The following DMD variants were observed in gnomAD, a reference collection of about 807,000 sequenced individuals.
DMD encodes mutant dystrophin.
A neutral mutation model predicts 330.1 loss-of-function variants in DMD; 63 were observed. That is an observed-to-expected ratio of 0.19 (90% CI 0.16 to 0.24). DMD has a LOEUF of 0.24. Ranked by LOEUF, DMD falls within the 10% of genes least tolerant of loss-of-function variation. DMD has a pLI of 1.00. For synonymous variants in DMD, 1,223 were observed against 959.8 expected (o/e 1.27, Z -5.07); for missense variants, 3,344 against 2,684.1 (o/e 1.25, Z -5.43).
intron 17 of DMD, among the ~76,000 whole-genome samples, chrX:32,535,241 C>G (rs181731060): frequency 9.0e-6 from 1 of 111,420 alleles, no homozygotes; most frequent in Admixed American, 9.5e-5. Flanking sequence ...CGGCCAGAAC[C>G]CATCTGTGCA....
intron 51 of DMD, among the ~76,000 whole-genome samples, chrX:31,735,884 C>T (rs1603456592): frequency 8.9e-6 from 1 of 112,001 alleles, no homozygotes; most frequent in East Asian, 2.8e-4. Context: ...TAGACAAAGA[C>T]CTCAACCAGG....
At chrX:32,967,776 T>C (rs2092222337) in intron 2 of DMD, among the ~76,000 whole-genome samples, 1 of 111,922 alleles carries the variant, frequency 8.9e-6, no homozygotes, top group African/African-American at 3.2e-5. Context: ...AGAAACAAGA[T>C]TGAAAATGTA....
rs138508705 is a variant in DMD, at chrX:32,894,296, C to T, written c.94-44476G>A. Among the ~76,000 whole-genome samples, 427 of 111,550 alleles carry T rather than the reference C, an allele frequency of 3.8e-3. 3 individuals are homozygous for T. Among genetic ancestry groups the T allele is most frequent in the African/African-American group, 0.013 (413 of 30,691 alleles). ...AAGAGACTGAGGAAGAAACCCATAG[C>T]CAGCAAACGAGGCATTGGGTTTTAT... On this transcript the variant is annotated intron_variant, in intron 2 of 78. Coordinates refer to ENST00000357033, the MANE Select transcript of DMD (RefSeq NM_004006.3).
chrX:31,830,022 T>C (rs889606147), intron 49 of DMD, among the ~76,000 whole-genome samples: 21 of 112,487 alleles, frequency 1.9e-4, no homozygotes, highest in African/African-American at 6.8e-4. Context: ...CTTTATACTA[T>C]CTCTTATGTC....
intron 1 of DMD, among the ~76,000 whole-genome samples, chrX:33,236,054 C>T (rs59772923): frequency 0.24 from 23,360 of 99,256 alleles, 5,166 homozygotes; most frequent in African/African-American, 0.68. Context: ...TAGCTGGGAC[C>T]ACAGGCACCT....
intron 2 of DMD, among the ~76,000 whole-genome samples, chrX:32,896,380 C>A (rs2149278389): frequency 8.9e-6 from 1 of 112,032 alleles, no homozygotes; most frequent in Non-Finnish European, 1.9e-5. Flanking sequence ...CCCCTGGTGA[C>A]TTCAAGGCTC....
chrX:31,785,901 C>T (rs780219430), intron 50 of DMD, among the ~76,000 whole-genome samples: 23 of 111,963 alleles, frequency 2.1e-4, no homozygotes, highest in African/African-American at 6.8e-4. Context: ...AACAGTGCTG[C>T]AACAAACGTA....
At chrX:32,298,354 C>A (rs73619050) in intron 42 of DMD, among the ~76,000 whole-genome samples, 6 of 110,050 alleles carry the variant, frequency 5.5e-5, no homozygotes, top group African/African-American at 2.0e-4. Flanking sequence ...TAGAGAAAGG[C>A]CTTAAGGATA....
chrX:33,258,190 G>C (rs2052890093), intron 1 of DMD, among the ~76,000 whole-genome samples: 1 of 111,254 alleles, frequency 9.0e-6, no homozygotes, highest in South Asian at 3.7e-4. Context: ...ATAGCATTAT[G>C]GCTCATTACA....
At chrX:32,530,986 T>G (rs2047424591) in intron 17 of DMD, among the ~76,000 whole-genome samples, 1 of 111,823 alleles carries the variant, frequency 8.9e-6, no homozygotes, top group East Asian at 2.8e-4. Context: ...TTATGATAAA[T>G]AAATGTGGGT....
intron 55 of DMD, among the ~76,000 whole-genome samples, chrX:31,601,579 A>G (rs747085683): frequency 4.6e-4 from 51 of 111,762 alleles, no homozygotes; most frequent in Non-Finnish European, 5.1e-4. Flanking sequence ...GCTGAGCTAC[A>G]TTACAAATCT....
chrX:31,441,523 G>C (rs965958287), intron 60 of DMD, among the ~76,000 whole-genome samples: 2 of 112,449 alleles, frequency 1.8e-5, no homozygotes, highest in African/African-American at 6.5e-5. Context: ...ATTGTTCTTT[G>C]TCTTAGTGGA....
intron 18 of DMD, among the ~76,000 whole-genome samples, chrX:32,505,223 C>T (rs190637055): frequency 1.8e-5 from 2 of 111,428 alleles, no homozygotes; most frequent in Non-Finnish European, 3.8e-5. Context: ...GCCAAAAGAA[C>T]GAAAAGAAAA....
intron 44 of DMD, among the ~76,000 whole-genome samples, chrX:32,044,429 A>ATT (rs35393923): frequency 1.1e-4 from 12 of 104,930 alleles, no homozygotes; most frequent in Middle Eastern, 4.8e-3. Context: ...TATTTATTTA[A>ATT]TTTTTTTTTT....
intron 1 of DMD, among the ~76,000 whole-genome samples, chrX:33,095,939 T>C (rs2148339241): frequency 9.5e-6 from 1 of 105,699 alleles, no homozygotes; most frequent in Admixed American, 1.0e-4. Flanking sequence ...TTAAGAGTGC[T>C]AAATCAAACA....
chrX:32,624,437 G>T (rs1394806093), intron 11 of DMD, among the ~76,000 whole-genome samples: 1 of 112,100 alleles, frequency 8.9e-6, no homozygotes, highest in Non-Finnish European at 1.9e-5. Context: ...GTAAGAACTT[G>T]GAACTTTGGC....
chrX:31,685,243 C>T (rs1211741667), intron 52 of DMD, among the ~76,000 whole-genome samples: 1 of 111,709 alleles, frequency 9.0e-6, no homozygotes, highest in Non-Finnish European at 1.9e-5. Context: ...TATTCAATTT[C>T]TTTATATTAT....
At chrX:32,624,248 G>T (rs1362950063) in intron 11 of DMD, among the ~76,000 whole-genome samples, 1 of 111,800 alleles carries the variant, frequency 8.9e-6, no homozygotes, top group Non-Finnish European at 1.9e-5. Flanking sequence ...ATACATATAT[G>T]ACTGGCAATA....
intron 60 of DMD, among the ~76,000 whole-genome samples, chrX:31,362,673 G>A (rs963552219): frequency 1.8e-5 from 2 of 113,224 alleles, no homozygotes; most frequent in African/African-American, 3.2e-5. Context: ...GGCCGGGTGC[G>A]GTGGCTCAGG....
Sources: gnomAD v4.1 joint callset for allele counts (sites outside exome capture counted in the v4.1 genomes callset) on GRCh38, gnomAD v4.1.1 for gene constraint, MANE v1.5 for transcripts, NCBI Gene and HGNC (gene_info 2026-07-23, HGNC 2026-07-21) for gene names.